The following MCTP2 variants were observed in gnomAD, a reference collection of about 807,000 sequenced individuals.
The protein encoded by MCTP2 is multiple C2 and transmembrane domain containing 2, also known as multiple C2 and transmembrane domain-containing protein 2.
Under a neutral mutation model 111.6 loss-of-function variants are expected in MCTP2, and 132 were observed. The observed-to-expected ratio is 1.18, with a 90% CI of 1.03 to 1.37. The LOEUF is 1.37. MCTP2 is among the 40% of genes most tolerant of loss of function. The pLI, the probability that MCTP2 is intolerant of heterozygous loss-of-function variation, is 0.00. For missense variants in MCTP2, 1,183 were observed against 1,067.9 expected (o/e 1.11, Z -1.50); for synonymous variants, 395 against 387.7 (o/e 1.02, Z -0.22).
chr15:94,306,642 G>A (rs1567377170), intron 2 of MCTP2, among the ~76,000 whole-genome samples: 1 of 152,138 alleles, frequency 6.6e-6, no homozygotes, highest in Non-Finnish European at 1.5e-5. Context: ...TCATTGTCAT[G>A]GTCAATAACT....
intron 4 of MCTP2, among the ~76,000 whole-genome samples, chr15:94,321,470 G>C (rs1202289888): frequency 6.6e-6 from 1 of 152,072 alleles, no homozygotes; most frequent in Non-Finnish European, 1.5e-5. Flanking sequence ...CCTACATTTA[G>C]AAAATAGGCA....
chr15:94,433,064 TAAAG>T (rs2083278130), intron 17 of MCTP2, among the ~76,000 whole-genome samples: 1 of 151,060 alleles, frequency 6.6e-6, no homozygotes, highest in Non-Finnish European at 1.5e-5. Context: ...GTGTTATACT[TAAAG>T]AAACAATACA....
At chr15:94,261,964 A>G (rs2152283324) in intron 1 of MCTP2, among the ~76,000 whole-genome samples, 1 of 152,282 alleles carries the variant, frequency 6.6e-6, no homozygotes, top group East Asian at 1.9e-4. Context: ...AAAAACATTA[A>G]TTTCTTGTAT....
chr15:94,458,465 A>G (rs1201892277), intron 20 of MCTP2, among the ~76,000 whole-genome samples: 1 of 152,224 alleles, frequency 6.6e-6, no homozygotes, highest in Admixed American at 6.5e-5. Flanking sequence ...AGTTTATTCC[A>G]GTCACCCCAA....
intron 19 of MCTP2, among the ~76,000 whole-genome samples, chr15:94,451,849 T>G (rs2084481317): frequency 6.6e-6 from 1 of 152,224 alleles, no homozygotes; most frequent in Non-Finnish European, 1.5e-5. Flanking sequence ...AACCCCAGTA[T>G]TCTTTAAACT....
intron 5 of MCTP2, 28 bp downstream of exon 5, chr15:94,339,460 T>C (rs780821435): frequency 1.3e-6 from 2 of 1,543,008 alleles, no homozygotes; most frequent in South Asian, 1.3e-5. Flanking sequence ...TCAAATCTGC[T>C]CCTTTATTAA....
chr15:94,281,008 G>A (rs188649800), intron 1 of MCTP2, among the ~76,000 whole-genome samples: 487 of 152,238 alleles, frequency 3.2e-3, no homozygotes, highest in African/African-American at 0.011. Flanking sequence ...GGATCTTAGG[G>A]TATGTGCCAC....
chr15:94,349,982 G>T (rs1280886166), intron 8 of MCTP2, among the ~76,000 whole-genome samples: 1 of 152,196 alleles, frequency 6.6e-6, no homozygotes, highest in Non-Finnish European at 1.5e-5. Context: ...CCCTGGACCA[G>T]CCGCAGCTGG....
intron 1 of MCTP2, among the ~76,000 whole-genome samples, chr15:94,282,209 A>T (rs2074522030): frequency 6.6e-6 from 1 of 152,148 alleles, no homozygotes; most frequent in Admixed American, 6.5e-5. Context: ...TCTTCTACAT[A>T]ATCCCATATT....
chr15:94,272,351 G>T (rs1462239651), intron 1 of MCTP2, among the ~76,000 whole-genome samples: 1 of 152,182 alleles, frequency 6.6e-6, no homozygotes, highest in African/African-American at 2.4e-5. Context: ...TCCAATCAAT[G>T]AGTAATTACT....
Position 94,402,128 on chromosome 15 carries a change from C to T in MCTP2, c.2085+109C>T, listed in dbSNP as rs2081627960. On this transcript the variant is annotated intron_variant, in intron 17 of 22. Transcript: ENST00000357742. Reference sequence around the variant, plus strand: ...TTACGTGGGGGTTGTCTTTCTAAGACAGTACTTAGGTCAAATTTACCTGGG... The same window carrying T: ...TTACGTGGGGGTTGTCTTTCTAAGATAGTACTTAGGTCAAATTTACCTGGG... The T allele has an allele frequency of 2.8e-6, 4 of 1,416,038 alleles. No homozygotes were observed. The South Asian group carries it at 5.9e-5, about 21-fold the overall frequency. 87.7% of individuals were successfully genotyped at this position (1,416,038 alleles called of 1,614,324 possible). A position where few individuals can be genotyped will look rare whatever the true frequency, so the allele number is the denominator to read the frequency against.
chr15:94,271,252 A>G (rs11074260), intron 1 of MCTP2, among the ~76,000 whole-genome samples: 5,246 of 152,276 alleles, frequency 0.034, 305 homozygotes, highest in African/African-American at 0.12. Flanking sequence ...GCTTTGCAAG[A>G]TATACCACAC....
At chr15:94,352,308 A>G (rs1210708938) in intron 8 of MCTP2, among the ~76,000 whole-genome samples, 1 of 152,202 alleles carries the variant, frequency 6.6e-6, no homozygotes, top group African/African-American at 2.4e-5. Context: ...ACAGAAGTTA[A>G]TATGTTTCTA....
chr15:94,290,411 T>TATACAGAGATATAGTCAAAATC (rs2074979784), intron 1 of MCTP2, among the ~76,000 whole-genome samples: 1 of 152,196 alleles, frequency 6.6e-6, no homozygotes, highest in African/African-American at 2.4e-5. Context: ...ACTGAAAGTT[T>TATACAGAGATATAGTCAAAATC]ATACAGAGAT....
At chr15:94,360,752 T>C (rs1234877068) in intron 10 of MCTP2, among the ~76,000 whole-genome samples, 1 of 151,980 alleles carries the variant, frequency 6.6e-6, no homozygotes, top group Non-Finnish European at 1.5e-5. Flanking sequence ...GTTTTGTCAT[T>C]TGGGTGTTCA....
chr15:94,243,457 G>GCGTATGTACATACATA lies in MCTP2; in HGVS notation c.-66+11799_-66+11800insTACATACATACGTATG, dbSNP rs2071275736. Among the ~76,000 whole-genome samples, 2 of 72,922 alleles carry GCGTATGTACATACATA rather than the reference G, an allele frequency of 2.7e-5. 1 individual carries two copies. The highest frequency in any genetic ancestry group is 1.2e-4 in the African/African-American group (2 of 17,148). 47.8% of individuals were successfully genotyped at this position (72,922 alleles called of 152,430 possible). On this transcript the variant is annotated intron_variant, in intron 1 of 22. Coordinates refer to ENST00000357742, the MANE Select transcript of MCTP2 (RefSeq NM_001385001.1). ...TGTACATACATACGTATGCGTACAT[G>GCGTATGTACATACATA]CGTATGCGTATATGCGTATGTACAC...
intron 14 of MCTP2, among the ~76,000 whole-genome samples, chr15:94,389,579 GAGA>G (rs1256043017): frequency 2.6e-5 from 4 of 152,106 alleles, no homozygotes; most frequent in Admixed American, 2.6e-4. Context: ...GCTTCTTTAG[GAGA>G]AGGACTTGTT....
chr15:94,383,502 T>C (rs1373975844), intron 12 of MCTP2, among the ~76,000 whole-genome samples: 1 of 152,158 alleles, frequency 6.6e-6, no homozygotes, highest in Non-Finnish European at 1.5e-5. Context: ...GGGTAATTTA[T>C]AAAAGAGGGT....
intron 8 of MCTP2, among the ~76,000 whole-genome samples, chr15:94,351,767 T>C (rs2078315650): frequency 6.6e-6 from 1 of 152,206 alleles, no homozygotes; most frequent in Admixed American, 6.5e-5. Context: ...TGGAGAATTA[T>C]CCCGTGGGTA....
Sources: allele counts gnomAD v4.1 joint callset (sites outside exome capture counted in the v4.1 genomes callset), GRCh38; gene constraint gnomAD v4.1.1; transcripts MANE v1.5; gene names NCBI Gene and HGNC (gene_info 2026-07-23, HGNC 2026-07-21).